ODAD2: variants seen among roughly 807,000 people sequenced by gnomAD.
The protein encoded by ODAD2 is outer dynein arm-docking complex subunit 2.
In ODAD2, 89 loss-of-function variants were observed where a neutral mutation model predicts 106.8. The ratio of observed to expected loss-of-function variants is 0.83; its 90% CI spans 0.70 to 0.99. ODAD2 has a LOEUF of 0.99. ODAD2 is among the 50% of genes least tolerant of loss of function. The pLI is 0.00. For missense variants in ODAD2, 1,168 were observed against 1,238.5 expected (o/e 0.94, Z 0.85); for synonymous variants, 404 against 436.2 (o/e 0.93, Z 0.92).
intron 17 of ODAD2, among the ~76,000 whole-genome samples, chr10:27,898,089 C>A (rs1449409996): frequency 6.6e-6 from 1 of 152,062 alleles, no homozygotes; most frequent in African/African-American, 2.4e-5. Flanking sequence ...ATAATAATAG[C>A]ACTAAGCAGA....
intron 17 of ODAD2, among the ~76,000 whole-genome samples, chr10:27,864,113 C>T (rs1344419084): frequency 1.3e-5 from 2 of 151,826 alleles, no homozygotes; most frequent in South Asian, 2.1e-4. Context: ...GGCTATTTCG[C>T]TAGACCACAT....
intron 19 of ODAD2, among the ~76,000 whole-genome samples, chr10:27,832,688 C>T (rs1175443374): frequency 1.3e-5 from 2 of 152,156 alleles, no homozygotes; most frequent in African/African-American, 2.4e-5. Flanking sequence ...ACCAGGAATG[C>T]TACTTTTCTC....
intron 7 of ODAD2, among the ~76,000 whole-genome samples, chr10:27,977,836 C>T (rs1428797830): frequency 6.6e-6 from 1 of 152,138 alleles, no homozygotes; most frequent in African/African-American, 2.4e-5. Flanking sequence ...GAGACCAGTA[C>T]ACACCTATTA....
chr10:27,906,239 G>A lies in ODAD2; in HGVS notation c.2610+1424C>T, dbSNP rs551112398. On this transcript the variant is annotated intron_variant, in intron 17 of 19. Coordinates refer to ENST00000305242, the MANE Select transcript of ODAD2 (RefSeq NM_018076.5). ...ACTTCTCAAAAGAAGACATTTATGC[G>A]ACCAACAAACGTATGAAAAAAAGCT... Among the ~76,000 whole-genome samples the A allele has an allele frequency of 1.0e-3, 156 of 152,160 alleles. 1 individual carries two copies. The highest frequency in any genetic ancestry group is 1.0e-3 in the South Asian group (5 of 4,814).
At chr10:27,861,448 C>T (rs1256643965) in intron 18 of ODAD2, among the ~76,000 whole-genome samples, 1 of 152,194 alleles carries the variant, frequency 6.6e-6, no homozygotes, top group Non-Finnish European at 1.5e-5. Context: ...GAGTCTACTA[C>T]ACAACGCAAA....
At chr10:27,955,669 A>G (rs970171272) in intron 10 of ODAD2, among the ~76,000 whole-genome samples, 1 of 149,178 alleles carries the variant, frequency 6.7e-6, no homozygotes, top group Non-Finnish European at 1.5e-5. Flanking sequence ...TCCAATTACC[A>G]CTCGAAAGAA....
intron 2 of ODAD2, among the ~76,000 whole-genome samples, chr10:27,994,661 C>T (rs867393454): frequency 2.0e-5 from 3 of 152,012 alleles, no homozygotes; most frequent in East Asian, 1.9e-4. Flanking sequence ...ACCTGGATAA[C>T]GGATGCCCTG....
chr10:27,916,979 A>G (rs1026668938), intron 16 of ODAD2, among the ~76,000 whole-genome samples: 9 of 152,186 alleles, frequency 5.9e-5, no homozygotes, highest in African/African-American at 1.9e-4. Flanking sequence ...AGTTGATAAA[A>G]TAAAATTTAA....
chr10:27,995,033 A>G lies in ODAD2; in HGVS notation c.110T>C (p.Phe37Ser). The G allele has an allele frequency of 1.2e-6, 2 of 1,614,200 alleles. No individual in the cohort carries two copies. Among genetic ancestry groups the G allele is most frequent in the Non-Finnish European group, 1.7e-6 (2 of 1,180,032 alleles). ...ATGTTTATAGATAAAACTCTCCACA[A>G]ACACAATAATTTCTTTCAATATCGC... ...NEAILKEIIVFVESFIYKHPQ... is the reference protein window; with the variant it reads ...NEAILKEIIVSVESFIYKHPQ... Residue 37 changes from phenylalanine (F) to serine (S), a missense_variant, in exon 2 of 20, where the codon TTT becomes TCT. By Grantham distance (155) the Phe-to-Ser change is radical. Coordinates refer to ENST00000305242, the MANE Select transcript of ODAD2 (RefSeq NM_018076.5).
At chr10:27,963,636 C>T (rs1358860468) in intron 9 of ODAD2, among the ~76,000 whole-genome samples, 4 of 152,078 alleles carry the variant, frequency 2.6e-5, no homozygotes, top group Admixed American at 2.6e-4. Flanking sequence ...TTATATGAAC[C>T]AATAATAGAC....
At position 27,812,236 on chromosome 10, in the gene ODAD2, T is replaced by C. The variant is rs1229540367; in HGVS notation, c.*276A>G. On this transcript the variant is annotated 3_prime_UTR_variant, in exon 20 of 20. Coordinates refer to ENST00000305242, the MANE Select transcript of ODAD2 (RefSeq NM_018076.5). ...AAAGCATCACTGAACTAAAAATACA[T>C]CATATACGTATATTCTCATATTCTT... is the stretch of plus-strand genomic sequence containing the variant. 3 of 382,700 alleles carry C rather than the reference T, an allele frequency of 7.8e-6. No individual in the cohort carries two copies. Among genetic ancestry groups the C allele is most frequent in the African/African-American group, 4.3e-5 (2 of 46,330 alleles). The allele number at this position is 382,700 out of a possible 1,614,324, so 23.7% of individuals were successfully genotyped here.
chr10:27,948,584 T>C (rs188959147), intron 10 of ODAD2, among the ~76,000 whole-genome samples: 2 of 152,248 alleles, frequency 1.3e-5, no homozygotes. Flanking sequence ...ATTTTCACAT[T>C]TTATCACGCA....
At chr10:27,993,974 A>ATG (rs56017872) in intron 2 of ODAD2, among the ~76,000 whole-genome samples, 35,065 of 140,306 alleles carry the variant, frequency 0.25, 4,351 homozygotes, top group African/African-American at 0.28. Flanking sequence ...ATATATATAT[A>ATG]TGTGTGTGTG....
chr10:27,933,522 G>A (rs1208787425), intron 16 of ODAD2, among the ~76,000 whole-genome samples: 1 of 152,136 alleles, frequency 6.6e-6, no homozygotes, highest in Non-Finnish European at 1.5e-5. Context: ...GACTAGAGGT[G>A]ATGCCAAATA....
chr10:27,862,474 T>A lies in ODAD2; in HGVS notation c.2759A>T (p.Asp920Val). The A allele has an allele frequency of 6.2e-7, 1 of 1,611,838 alleles. No homozygotes were observed. The highest frequency in any genetic ancestry group is 1.1e-5 in the South Asian group (1 of 90,514). The change falls in exon 18 of 20, where the codon GAT (aspartate) becomes GTT (valine). Residue 920 changes from aspartate (D) to valine (V), a missense_variant. Asp to Val is a radical substitution (Grantham distance 152). This residue lies in a region of ODAD2 where 701 missense variants were observed against 712.3 expected (regional missense o/e 0.98). Transcript: ENST00000305242. ...KDQENLAVIT[D>V]HGVVPLLSKL... ...GGACAATAAAGGAACAACTCCATGA[T>A]CTGTGATAACAGCTAAATTTTCTTG...
At chr10:27,910,453 C>A (rs1007056900) in intron 16 of ODAD2, among the ~76,000 whole-genome samples, 9 of 152,012 alleles carry the variant, frequency 5.9e-5, no homozygotes, top group African/African-American at 2.2e-4. Flanking sequence ...ACTAGGCATA[C>A]AGAAATAACA....
intron 16 of ODAD2, among the ~76,000 whole-genome samples, chr10:27,913,379 G>C (rs934759806): frequency 6.6e-6 from 1 of 151,894 alleles, no homozygotes; most frequent in Non-Finnish European, 1.5e-5. Flanking sequence ...GAGAACATGC[G>C]GTATTTGGTT....
At chr10:27,890,063 A>G (rs142368598) in intron 17 of ODAD2, among the ~76,000 whole-genome samples, 229 of 152,328 alleles carry the variant, frequency 1.5e-3, no homozygotes, top group South Asian at 2.5e-3. Context: ...AAAATGCATA[A>G]TCAAAAAAAT....
Position 27,935,144 on chromosome 10 carries a change from A to G in ODAD2, c.2361T>C (p.Arg787=), listed in dbSNP as rs1340192146. ...VGALGECCQE[R]ENRVIVRKCG... ...ATTTCCGGACAATGACTCGGTTTTC[A>G]CGTTCTTGGCAGCATTCTCCCAAGG... is the stretch of plus-strand genomic sequence containing the variant. The change falls in exon 16 of 20, where the codon CGT becomes CGC. Residue 787 remains arginine, a synonymous_variant. Transcript: ENST00000305242. The G allele has an allele frequency of 6.2e-7, 1 of 1,613,994 alleles. No homozygotes were observed. The highest frequency in any genetic ancestry group is 1.7e-5 in the Admixed American group (1 of 60,002).
Sources: gnomAD v4.1 joint callset for allele counts (sites outside exome capture counted in the v4.1 genomes callset) on GRCh38, gnomAD v4.1.1 for gene constraint, gnomAD v4.1.1 regional missense constraint, MANE v1.5 for transcripts, NCBI Gene and HGNC (gene_info 2026-07-23, HGNC 2026-07-21) for gene names.